Variants in POSTN observed in about 807,000 individuals in gnomAD.
The protein encoded by POSTN is osteoblast specific factor 2 (fasciclin I-like).
A neutral mutation model predicts 104.5 loss-of-function variants in POSTN; 71 were observed. The observed-to-expected ratio is 0.68, with a 90% CI of 0.56 to 0.83. The LOEUF is 0.83. POSTN is among the 40% of genes least tolerant of loss of function. The probability of loss-of-function intolerance (pLI) is 0.00; values close to 1 mark genes in which losing one functional copy is unlikely to be tolerated. For missense variants in POSTN, 949 were observed against 1,006.8 expected (o/e 0.94, Z 0.78); for synonymous variants, 355 against 340.7 (o/e 1.04, Z -0.46).
rs767383187 is a variant in POSTN, at chr13:37,590,540, C to T, written c.284-11G>A. 1 of 1,605,050 alleles carries T rather than the reference C, an allele frequency of 6.2e-7. No individual in the cohort carries two copies. Among genetic ancestry groups the T allele is most frequent in the South Asian group, 1.1e-5 (1 of 90,094 alleles). On this transcript the variant is annotated splice_polypyrimidine_tract_variant and intron_variant, in intron 3 of 22. Transcript: ENST00000379747. ...GGTCAATGGGCAAAACTGAAATAAT[C>T]AAGAAATGAATCAGTACTGGGGATA... is the stretch of plus-strand genomic sequence containing the variant.
At chr13:37,569,567 T>C (rs1276629782) in intron 20 of POSTN, 177 bp downstream of exon 20, 4 of 799,938 alleles carry the variant, frequency 5.0e-6, no homozygotes, top group Non-Finnish European at 6.5e-6. Flanking sequence ...AACAAAATAC[T>C]GTATAAAAAA....
At position 37,571,423 on chromosome 13, in the gene POSTN, G is replaced by A. The variant is rs1205977671; in HGVS notation, c.2125C>T (p.Pro709Ser). The A allele has an allele frequency of 6.2e-7, 1 of 1,609,614 alleles. No individual in the cohort carries two copies. Among genetic ancestry groups the A allele is most frequent in the South Asian group, 1.1e-5 (1 of 90,886 alleles). ...TLTKVKIEGEPEFRLIKEGET... is the reference protein window; with the variant it reads ...TLTKVKIEGESEFRLIKEGET... Reference sequence around the variant, plus strand: ...CCTTCTTTAATCAGTCTGAATTCAGGTTCACCTTCAATTTTGACTTTTGTT... The same window carrying A: ...CCTTCTTTAATCAGTCTGAATTCAGATTCACCTTCAATTTTGACTTTTGTT... Residue 709 changes from proline (P) to serine (S), a missense_variant, in exon 18 of 23, where the codon CCT becomes TCT. By Grantham distance (74) the Pro-to-Ser change is moderately conservative. Coordinates refer to ENST00000379747, the MANE Select transcript of POSTN (RefSeq NM_006475.3).
chr13:37,581,275 G>A (rs1318294627), intron 10 of POSTN, among the ~76,000 whole-genome samples: 1 of 152,210 alleles, frequency 6.6e-6, no homozygotes, highest in Non-Finnish European at 1.5e-5. Context: ...GGGAGCTGCT[G>A]ACATGTGCCA....
chr13:37,583,407 T>C, intron 9 of POSTN, among the ~76,000 whole-genome samples: 1 of 151,626 alleles, frequency 6.6e-6, no homozygotes, highest in East Asian at 1.9e-4. Context: ...AATATTAGAT[T>C]CACAGAGAAA....
chr13:37,580,827 C>T (rs1206931510), intron 10 of POSTN, 130 bp from the exon 11 acceptor site: 2 of 998,372 alleles, frequency 2.0e-6, no homozygotes, highest in Admixed American at 2.3e-5. Context: ...GCCACGGGAA[C>T]AGCTTCTTTC....
intron 16 of POSTN, among the ~76,000 whole-genome samples, chr13:37,576,279 T>C (rs576480420): frequency 6.6e-6 from 1 of 152,220 alleles, no homozygotes; most frequent in South Asian, 2.1e-4. Flanking sequence ...ATAGAAAATT[T>C]GGTTTAATTT....
At position 37,575,639 on chromosome 13, in the gene POSTN, C is replaced by T. The variant is rs373191355; in HGVS notation, c.2009-987G>A. ...AGATAACGGGCCACACTGAAGCTAA[C>T]TGTGCATCTAGATCACATCAAAGCA... On this transcript the variant is annotated intron_variant, in intron 16 of 22. Transcript: ENST00000379747. Among the ~76,000 whole-genome samples, 5 of 152,236 alleles carry T rather than the reference C, an allele frequency of 3.3e-5. 1 individual carries two copies. The East Asian group carries it at 9.7e-4, about 29-fold the overall frequency.
At chr13:37,596,886 A>T (rs1481120439) in intron 2 of POSTN, among the ~76,000 whole-genome samples, 1 of 152,180 alleles carries the variant, frequency 6.6e-6, no homozygotes, top group Non-Finnish European at 1.5e-5. Context: ...CCAAACCAGG[A>T]GTAGAAACAA....
rs530295147 is a variant in POSTN at position 37,565,664 on chromosome 13, A to G, written c.2432-1104T>C. On this transcript the variant is annotated intron_variant, in intron 21 of 22. Coordinates refer to ENST00000379747, the MANE Select transcript of POSTN (RefSeq NM_006475.3). Reference sequence around the variant, plus strand: ...TTTCTTTCCCCCCAGAATATAAGGCATATAATCATTTATAAAACCACATTA... The same window carrying G: ...TTTCTTTCCCCCCAGAATATAAGGCGTATAATCATTTATAAAACCACATTA... Among the ~76,000 whole-genome samples, 7 of 152,128 alleles carry G rather than the reference A, an allele frequency of 4.6e-5. No individual in the cohort carries two copies. The South Asian group carries it at 1.4e-3, about 31-fold the overall frequency.
chr13:37,574,711 T>G (rs1950356784), intron 16 of POSTN, 59 bp from the exon 17 acceptor site: 4 of 1,492,462 alleles, frequency 2.7e-6, no homozygotes, highest in Non-Finnish European at 8.9e-7. Context: ...AACAAAGGTT[T>G]TTTTTTTTTT....
intron 15 of POSTN, 66 bp downstream of exon 15, chr13:37,578,778 G>A (rs1341413605): frequency 3.7e-5 from 48 of 1,298,764 alleles, no homozygotes; most frequent in Admixed American, 6.7e-5. Flanking sequence ...CAGCCTGGGC[G>A]ACAAAGCGAG....
chr13:37,565,405 A>T (rs1433285302), intron 21 of POSTN: 2 of 151,756 alleles, frequency 1.3e-5, no homozygotes, highest in African/African-American at 2.4e-5. Flanking sequence ...ATCTTTTTAA[A>T]TTTTTTCTCC....
chr13:37,568,586 GA>G (rs1200105341), intron 21 of POSTN: 1 of 151,576 alleles, frequency 6.6e-6, no homozygotes, highest in Non-Finnish European at 1.5e-5. Context: ...AAATGAAGTA[GA>G]AATTTGTTTA....
chr13:37,567,773 A>G (rs1417555555), intron 21 of POSTN, among the ~76,000 whole-genome samples: 1 of 152,154 alleles, frequency 6.6e-6, no homozygotes, highest in Non-Finnish European at 1.5e-5. Context: ...TGAATGTCAT[A>G]TACTTAACTT....
intron 10 of POSTN, among the ~76,000 whole-genome samples, chr13:37,581,308 G>A (rs538520657): frequency 5.0e-4 from 76 of 152,248 alleles, no homozygotes; most frequent in Non-Finnish European, 9.4e-4. Flanking sequence ...GGTAATGCCT[G>A]ACTTCCTGTG....
Position 37,584,810 on chromosome 13 carries a change from T to C in POSTN, c.1014A>G (p.Ile338Met). Reference protein sequence around the residue: ...TIEIGCDGDSITVNGIKMVNK... With the variant: ...TIEIGCDGDSMTVNGIKMVNK... ...TCACCATTTTGATTCCATTTACTGT[T>C]ATACTGTCACCGTCACATCCTATCT... The change falls in exon 8 of 23, where the codon ATA becomes ATG. Residue 338 changes from isoleucine to methionine, a missense_variant. Physicochemically the swap from Ile to Met is conservative, Grantham distance 10. Coordinates refer to ENST00000379747, the MANE Select transcript of POSTN (RefSeq NM_006475.3). 3 of 1,613,956 alleles carry C rather than the reference T, an allele frequency of 1.9e-6. No homozygotes were observed. Among genetic ancestry groups the C allele is most frequent in the African/African-American group, 2.7e-5 (2 of 75,060 alleles).
In POSTN at chr13:37,579,022, C is replaced by T; in HGVS notation, c.1891G>A (p.Ala631Thr). ...AATGAGTTCAATAATTACAAACCTG[C>T]TGGATAGAGGAGTTTATCTACAACA... ...IHVVDKLLYP[A>T]DTPVGNDQLL... is the part of the protein sequence containing the mutation. The change falls in exon 14 of 23, where the codon GCA becomes ACA. Residue 631 changes from alanine to threonine, a missense_variant. Coordinates refer to ENST00000379747, the MANE Select transcript of POSTN (RefSeq NM_006475.3). 1 of 1,612,450 alleles carries T rather than the reference C, an allele frequency of 6.2e-7. No individual in the cohort carries two copies.
intron 17 of POSTN, 174 bp from the exon 18 acceptor site, chr13:37,571,632 A>AT (rs1161951831): frequency 2.8e-5 from 14 of 508,676 alleles, no homozygotes; most frequent in Non-Finnish European, 3.1e-5. Flanking sequence ...GACAAGAGTT[A>AT]TGAGAACAAA....
At chr13:37,598,048 T>G (rs1263984315) in intron 1 of POSTN, among the ~76,000 whole-genome samples, 1 of 152,196 alleles carries the variant, frequency 6.6e-6, no homozygotes, top group African/African-American at 2.4e-5. Context: ...AATGCTTAGT[T>G]GTAGTTGCAT....
Sources: gnomAD v4.1 joint callset for allele counts (sites outside exome capture counted in the v4.1 genomes callset) on GRCh38, gnomAD v4.1.1 for gene constraint, MANE v1.5 for transcripts, NCBI Gene and HGNC (gene_info 2026-07-23, HGNC 2026-07-21) for gene names.